Variants in TENM2 observed in about 807,000 individuals in gnomAD.
TENM2 encodes the protein teneurin-2.
In TENM2, 52 loss-of-function variants were observed where a neutral mutation model predicts 245.2. That is an observed-to-expected ratio of 0.21 (90% confidence interval 0.17 to 0.27). The LOEUF is 0.27. Among genes scored for constraint, TENM2 ranks in the 10% least tolerant of loss-of-function variants. The pLI is 1.00. For missense variants in TENM2, 3,046 were observed against 3,666.8 expected (o/e 0.83, Z 4.37); for synonymous variants, 1,363 against 1,438.9 (o/e 0.95, Z 1.19).
At chr5:167,318,404 A>T (rs914947727) in intron 1 of TENM2, among the ~76,000 whole-genome samples, 3 of 152,146 alleles carry the variant, frequency 2.0e-5, no homozygotes, top group African/African-American at 7.2e-5. Context: ...ATGTTATGGA[A>T]TTTAAGAATA....
intron 2 of TENM2, among the ~76,000 whole-genome samples, chr5:167,555,876 G>A (rs1056834027): frequency 3.9e-5 from 6 of 152,046 alleles, no homozygotes; most frequent in Admixed American, 2.6e-4. Context: ...TCCATAAGGC[G>A]ACAAAGAAAC....
chr5:167,901,574 C>T (rs1775706783), intron 3 of TENM2, among the ~76,000 whole-genome samples: 1 of 152,148 alleles, frequency 6.6e-6, no homozygotes, highest in African/African-American at 2.4e-5. Context: ...GAGCAATACT[C>T]ATAACATCTC....
the TENM2 span, among the ~76,000 whole-genome samples, chr5:167,159,601 A>G: frequency 6.6e-6 from 1 of 152,236 alleles, no homozygotes; most frequent in Non-Finnish European, 1.5e-5. Context: ...TATTTTATCT[A>G]TCAGTTAAAA....
At chr5:167,905,623 C>T (rs922005783) in intron 3 of TENM2, among the ~76,000 whole-genome samples, 6 of 152,072 alleles carry the variant, frequency 3.9e-5, no homozygotes, top group Admixed American at 6.6e-5. Flanking sequence ...GATGAGAAAA[C>T]GAGGGAGTCT....
chr5:167,258,213 A>ACG, the TENM2 span, among the ~76,000 whole-genome samples: 5 of 142,448 alleles, frequency 3.5e-5, no homozygotes, highest in Admixed American at 7.1e-5. Flanking sequence ...ATATATATAT[A>ACG]TGTATATATA....
chr5:167,396,247 G>T (rs1431966375), intron 2 of TENM2, among the ~76,000 whole-genome samples: 1 of 152,018 alleles, frequency 6.6e-6, no homozygotes, highest in Non-Finnish European at 1.5e-5. Context: ...AGAAAATGTG[G>T]TGTATACATA....
chr5:168,124,610 C>T (rs769239474), intron 10 of TENM2, among the ~76,000 whole-genome samples: 10 of 152,176 alleles, frequency 6.6e-5, no homozygotes, highest in Admixed American at 1.3e-4. Flanking sequence ...ATCCCCTTTT[C>T]GTTTCTCTTG....
the TENM2 span, among the ~76,000 whole-genome samples, chr5:167,230,216 A>G: frequency 4.7e-4 from 72 of 152,246 alleles, 1 homozygote; most frequent in East Asian, 0.012. Context: ...TGTTAGTCTC[A>G]GGGCCTGGGA....
chr5:167,320,301 A>G (rs2127769235), intron 1 of TENM2, among the ~76,000 whole-genome samples: 2 of 152,328 alleles, frequency 1.3e-5, no homozygotes, highest in Admixed American at 1.3e-4. Context: ...AAATTAATAC[A>G]ATAAAACTAG....
chr5:168,040,549 A>G (rs531512984), intron 5 of TENM2, among the ~76,000 whole-genome samples: 168 of 152,314 alleles, frequency 1.1e-3, no homozygotes, highest in African/African-American at 3.7e-3. Flanking sequence ...GTATTGCAAC[A>G]CTGTCTGGGA....
chr5:168,036,642 AAAT>A lies in TENM2; in HGVS notation c.1187-10783_1187-10781del, dbSNP rs1394962444. On this transcript the variant is annotated intron_variant, in intron 5 of 28. Transcript: ENST00000518659. ...CAAGAGCGAAACTCCATCAAAAAAA[AAAT>A]ATATATATATATATATATAATATAT... is the stretch of plus-strand genomic sequence containing the variant. Among the ~76,000 whole-genome samples the A allele has an allele frequency of 4.6e-5, 5 of 108,078 alleles. 1 individual carries two copies. Among genetic ancestry groups the A allele is most frequent in the African/African-American group, 2.0e-4 (5 of 25,078 alleles). The allele number at this position is 108,078 out of a possible 152,430, so 70.9% of individuals were successfully genotyped here.
chr5:167,329,416 G>T (rs1243963275), intron 1 of TENM2, among the ~76,000 whole-genome samples: 2 of 151,060 alleles, frequency 1.3e-5, no homozygotes, highest in Admixed American at 1.3e-4. Flanking sequence ...GCCTGGCGTG[G>T]TGGCAGGCAC....
chr5:167,877,383 C>T (rs1162629257), intron 3 of TENM2, among the ~76,000 whole-genome samples: 5 of 152,190 alleles, frequency 3.3e-5, no homozygotes, highest in Admixed American at 2.0e-4. Flanking sequence ...ATTTAGTAAA[C>T]TCATATTCTT....
chr5:168,099,288 T>C (rs1793619064), intron 9 of TENM2, among the ~76,000 whole-genome samples: 1 of 152,042 alleles, frequency 6.6e-6, no homozygotes, highest in African/African-American at 2.4e-5. Flanking sequence ...GTTTGAAAAA[T>C]AGTGAAGGGG....
rs774424288 is a variant in TENM2 at position 168,247,107 on chromosome 5, T to G, written c.6168T>G (p.Ser2056Arg). The change falls in exon 27 of 29, where the codon AGT (serine) becomes AGG (arginine). Residue 2056 changes from serine (S) to arginine (R), a missense_variant. Transcript: ENST00000518659. The surrounding 1 kb of genome is among the most constrained non-coding windows in gnomAD (Gnocchi z 7.8). ...TCTTGAAGATGGTCAACCTCCAAAG[T>G]GGGGGCTTCTCCTGCACCATCAGGT... 3 of 1,613,894 alleles carry G rather than the reference T, an allele frequency of 1.9e-6. No individual in the cohort carries two copies. Among genetic ancestry groups the G allele is most frequent in the Non-Finnish European group, 2.5e-6 (3 of 1,179,880 alleles).
Position 168,218,069 on chromosome 5 carries a change from T to A in TENM2, c.4234-56T>A, listed in dbSNP as rs189475948. The A allele has an allele frequency of 4.9e-4, 760 of 1,560,054 alleles. No homozygotes were observed. The highest frequency in any genetic ancestry group is 1.1e-3 in the Admixed American group (60 of 55,052). The stretch of plus-strand genomic sequence containing the variant: ...TATAAAACCAGTAAGTGCCGTACGG[T>A]TAAACGTTGGACATATTAAAGGCTG... On this transcript the variant is annotated intron_variant, in intron 22 of 28. Coordinates refer to ENST00000518659, the Ensembl canonical transcript of TENM2. The surrounding 1 kb of genome is among the most constrained non-coding windows in gnomAD (Gnocchi z 5.2).
At chr5:167,080,039 C>T in the TENM2 span, among the ~76,000 whole-genome samples, 3 of 152,146 alleles carry the variant, frequency 2.0e-5, no homozygotes, top group African/African-American at 2.4e-5. Flanking sequence ...TTTCATTTGT[C>T]CTGCATGATC....
chr5:167,907,206 T>C (rs1776155286), intron 3 of TENM2, among the ~76,000 whole-genome samples: 1 of 151,544 alleles, frequency 6.6e-6, no homozygotes, highest in Admixed American at 6.6e-5. Context: ...CACTCCAGCC[T>C]GTGCAAAAAG....
At chr5:167,999,966 A>G (rs988364257) in intron 5 of TENM2, among the ~76,000 whole-genome samples, 5 of 152,234 alleles carry the variant, frequency 3.3e-5, no homozygotes, top group Non-Finnish European at 5.9e-5. Context: ...CAGAGTATAC[A>G]TTGAGTAAAT....
Sources: gnomAD v4.1 joint callset for allele counts (sites outside exome capture counted in the v4.1 genomes callset) on GRCh38, gnomAD v4.1.1 for gene constraint, Gnocchi (gnomAD v3.1) non-coding constraint, MANE v1.5 for transcripts, NCBI Gene and HGNC (gene_info 2026-07-23, HGNC 2026-07-21) for gene names.